The following BDP1 variants were observed in gnomAD, a reference collection of about 807,000 sequenced individuals.
The protein encoded by BDP1 is transcription factor TFIIIB component B'' homolog.
A neutral mutation model predicts 266.6 loss-of-function variants in BDP1; 169 were observed. The ratio of observed to expected loss-of-function variants is 0.63; its 90% CI spans 0.56 to 0.72. The LOEUF (loss-of-function observed/expected upper bound fraction) is 0.72, where lower values mean the gene tolerates loss of function less well. Ranked by LOEUF, BDP1 falls within the 30% of genes least tolerant of loss-of-function variation. The probability of loss-of-function intolerance (pLI) is 0.00; values close to 1 mark genes in which losing one functional copy is unlikely to be tolerated. For synonymous variants in BDP1, 1,090 were observed against 1,022.4 expected, an observed-to-expected ratio of 1.07 and a Z score of -1.26; for missense variants, 3,015 against 3,053.8, an observed-to-expected ratio of 0.99 and a Z score of 0.30.
At chr5:71,471,797 A>G (rs777890707) in intron 7 of BDP1, among the ~76,000 whole-genome samples, 6 of 152,142 alleles carry the variant, frequency 3.9e-5, no homozygotes, top group Non-Finnish European at 8.8e-5. Flanking sequence ...CATCCCTATC[A>G]TGTTCATTAC....
chr5:71,468,777 T>C (rs1254131594), intron 6 of BDP1, among the ~76,000 whole-genome samples: 1 of 151,680 alleles, frequency 6.6e-6, no homozygotes. Flanking sequence ...CAGCTAATTT[T>C]TGTGTTTTTG....
intron 26 of BDP1, chr5:71,537,811 G>T (rs975743601): frequency 6.1e-6 from 1 of 163,872 alleles, no homozygotes. Flanking sequence ...TTCCTTCACC[G>T]CCCTTCTGCT....
Position 71,541,455 on chromosome 5 carries a change from A to G in BDP1, c.6024A>G (p.Val2008=). The G allele has an allele frequency of 1.9e-6, 2 of 1,058,046 alleles. No homozygotes were observed. Among genetic ancestry groups the G allele is most frequent in the East Asian group, 2.8e-5 (1 of 35,484 alleles). The allele number at this position is 1,058,046 out of a possible 1,614,324, so 65.5% of individuals were successfully genotyped here. A position where few individuals can be genotyped will look rare whatever the true frequency, so the allele number is the denominator to read the frequency against. ...TTTGTTTTTTTTTTTTTTCTTCAGT[A>G]GGAGTATGTATAATTCCTCATGTTC... is the stretch of plus-strand genomic sequence containing the variant. ...QSEISSEQGD[V]GVCIIPHVHS... Residue 2008 remains valine (V), a splice_region_variant and synonymous_variant, in exon 29 of 39, where the codon GTA becomes GTG. Transcript: ENST00000358731.
intron 26 of BDP1, among the ~76,000 whole-genome samples, chr5:71,534,970 A>T (rs1049619895): frequency 6.6e-6 from 1 of 151,670 alleles, no homozygotes; most frequent in Non-Finnish European, 1.5e-5. Context: ...TCATTTTTGG[A>T]TTGTTCGTTG....
chr5:71,536,094 G>T (rs758340023), intron 26 of BDP1, among the ~76,000 whole-genome samples: 1 of 152,134 alleles, frequency 6.6e-6, no homozygotes, highest in Non-Finnish European at 1.5e-5. Flanking sequence ...TAATAGAAGC[G>T]AGAGTGGGCA....
intron 25 of BDP1, among the ~76,000 whole-genome samples, chr5:71,529,894 T>C (rs539741754): frequency 6.6e-6 from 1 of 152,280 alleles, no homozygotes; most frequent in East Asian, 1.9e-4. Flanking sequence ...GCCTAGGTTT[T>C]GGCAGATGGG....
intron 7 of BDP1, among the ~76,000 whole-genome samples, chr5:71,470,815 C>T (rs1762195671): frequency 6.6e-6 from 1 of 151,230 alleles, no homozygotes; most frequent in South Asian, 2.1e-4. Context: ...CTGTCGAACT[C>T]TTGAGCTCAG....
chr5:71,534,921 A>G (rs192984530), intron 26 of BDP1, among the ~76,000 whole-genome samples: 34 of 152,166 alleles, frequency 2.2e-4, no homozygotes, highest in Non-Finnish European at 4.4e-5. Flanking sequence ...GATTACAGGC[A>G]TGAGCCACCG....
rs1765213160 is a variant in BDP1 at position 71,516,224 on chromosome 5, A to G, written c.4813A>G (p.Arg1605Gly). ...GEAKGIIKEG[R>G]TILPKDETEK... is the part of the protein sequence containing the mutation. ...AGCCAAAGGCATAATTAAGGAAGGA[A>G]GAACGATATTACCAAAAGATGAAAC... The change falls in exon 21 of 39, where the codon AGA (arginine) becomes GGA (glycine). Residue 1605 changes from arginine to glycine, a missense_variant. This residue lies in a region of BDP1 where 2,383 missense variants were observed against 2,404.9 expected (regional missense o/e 0.99). Transcript: ENST00000358731. 6.2e-7 allele frequency: 1 copy of G among 1,613,468 alleles called. No homozygotes were observed. The highest frequency in any genetic ancestry group is 2.2e-5 in the East Asian group (1 of 44,850).
At chr5:71,497,572 C>T (rs760964705) in intron 13 of BDP1, 146 bp downstream of exon 13, 42 of 618,310 alleles carry the variant, frequency 6.8e-5, no homozygotes, top group Middle Eastern at 8.6e-4. Context: ...TAGATTTGTT[C>T]GTATCTTATT....
At chr5:71,496,901 C>G (rs1019259549) in intron 12 of BDP1, among the ~76,000 whole-genome samples, 1 of 152,120 alleles carries the variant, frequency 6.6e-6, no homozygotes, top group Admixed American at 6.5e-5. Flanking sequence ...ATCATTTAAT[C>G]TTACTTAATA....
intron 13 of BDP1, among the ~76,000 whole-genome samples, chr5:71,498,229 C>T (rs1470788916): frequency 3.3e-5 from 5 of 152,068 alleles, no homozygotes; most frequent in Admixed American, 6.6e-5. Context: ...GGATTACAGG[C>T]GTGAGCCACC....
intron 25 of BDP1, among the ~76,000 whole-genome samples, chr5:71,528,503 G>C (rs1387348105): frequency 6.6e-6 from 1 of 152,146 alleles, no homozygotes; most frequent in African/African-American, 2.4e-5. Context: ...AACTAAGATA[G>C]TGGCAACAAT....
chr5:71,464,256 G>C (rs368263758), intron 4 of BDP1, 139 bp downstream of exon 4: 3 of 562,550 alleles, frequency 5.3e-6, no homozygotes, highest in Non-Finnish European at 9.3e-6. Flanking sequence ...AGCACTTTGC[G>C]AAGCCAAGAT....
In BDP1 at chr5:71,495,353, A is replaced by T; in HGVS notation, c.1744A>T (p.Asn582Tyr). Residue 582 changes from asparagine to tyrosine, a missense_variant, in exon 12 of 39, where the codon AAT (asparagine) becomes TAT (tyrosine). Coordinates refer to ENST00000358731, the MANE Select transcript of BDP1 (RefSeq NM_018429.3). ...AATTAGAGCATTGTGTGAGGTGAAT[A>T]ATGCTGAGGGTAGTTGTATAGAAGA... ...VGIRALCEVN[N>Y]AEGSCIEERN... 1 of 1,603,496 alleles carries T rather than the reference A, an allele frequency of 6.2e-7. No homozygotes were observed. Among genetic ancestry groups the T allele is most frequent in the Non-Finnish European group, 8.5e-7 (1 of 1,173,884 alleles).
At chr5:71,493,682 G>A (rs1040413365) in intron 11 of BDP1, among the ~76,000 whole-genome samples, 1 of 152,214 alleles carries the variant, frequency 6.6e-6, no homozygotes, top group Non-Finnish European at 1.5e-5. Flanking sequence ...CAACTTTGCA[G>A]AGGGACTGTG....
At chr5:71,502,866 C>A in intron 15 of BDP1, 75 bp downstream of exon 15, 1 of 997,456 alleles carries the variant, frequency 1.0e-6, no homozygotes, top group Non-Finnish European at 1.5e-6. Flanking sequence ...CCTTCACCCA[C>A]ATACTTACAT....
At chr5:71,475,415 G>A (rs1015316598) in intron 7 of BDP1, among the ~76,000 whole-genome samples, 1 of 152,188 alleles carries the variant, frequency 6.6e-6, no homozygotes, top group African/African-American at 2.4e-5. Context: ...TGGCCCTTCA[G>A]TGCACTTCAT....
chr5:71,564,765 T>G lies in BDP1; in HGVS notation c.7755T>G (p.Asp2585Glu). 6.2e-7 allele frequency: 1 copy of G among 1,601,916 alleles called. No homozygotes were observed. The highest frequency in any genetic ancestry group is 8.5e-7 in the Non-Finnish European group (1 of 1,177,440). Residue 2585 changes from aspartate (D) to glutamate (E), a missense_variant, in exon 39 of 39, where the codon GAT (aspartate) becomes GAG (glutamate). By Grantham distance (45) the Asp-to-Glu change is conservative. Around this residue, in one of 3 missense-constraint regions of BDP1, gnomAD observed 629 missense variants for 632.5 expected, o/e 0.99. Coordinates refer to ENST00000358731, the MANE Select transcript of BDP1 (RefSeq NM_018429.3). ...ISSSATQVSC[D>E]QPLLKEGYKS... is the part of the protein sequence containing the mutation. The stretch of plus-strand genomic sequence containing the variant: ...TATTACCTTTTTAGGTTTCTTGTGA[T>G]CAGCCCTTACTGAAAGAAGGATATA...
Sources: gnomAD v4.1 joint callset for allele counts (sites outside exome capture counted in the v4.1 genomes callset) on GRCh38, gnomAD v4.1.1 for gene constraint, gnomAD v4.1.1 regional missense constraint, MANE v1.5 for transcripts, NCBI Gene and HGNC (gene_info 2026-07-23, HGNC 2026-07-21) for gene names.